The following NRG3 variants were observed in gnomAD, a reference collection of about 807,000 sequenced individuals.
NRG3 encodes pro-neuregulin-3, membrane-bound isoform.
NRG3 carries 31 observed loss-of-function variants against 66.9 expected under a neutral mutation model. The ratio of observed to expected loss-of-function variants is 0.46; its 90% CI spans 0.35 to 0.63. The LOEUF is 0.63. Among genes scored for constraint, NRG3 ranks in the 20% least tolerant of loss-of-function variants. The pLI, the probability that NRG3 is intolerant of heterozygous loss-of-function variation, is 0.00. For synonymous variants in NRG3, 393 were observed against 359.4 expected (o/e 1.09, Z -1.06); for missense variants, 910 against 878.9 (o/e 1.04, Z -0.45).
At chr10:82,867,614 G>A (rs558238119) in intron 4 of NRG3, among the ~76,000 whole-genome samples, 3 of 152,320 alleles carry the variant, frequency 2.0e-5, no homozygotes, top group South Asian at 2.1e-4. Flanking sequence ...CTTGAGACAG[G>A]TAGAGGAAAA....
chr10:82,059,309 T>C (rs1320939692), intron 1 of NRG3, among the ~76,000 whole-genome samples: 1 of 152,120 alleles, frequency 6.6e-6, no homozygotes, highest in Non-Finnish European at 1.5e-5. Context: ...ATTGCTGTAA[T>C]GTAGGTGGAA....
chr10:82,083,796 T>A (rs1356183274), intron 1 of NRG3, among the ~76,000 whole-genome samples: 1 of 151,540 alleles, frequency 6.6e-6, no homozygotes, highest in Non-Finnish European at 1.5e-5. Flanking sequence ...TTTGCATTTT[T>A]AATAGAGATG....
intron 1 of NRG3, among the ~76,000 whole-genome samples, chr10:81,895,949 C>G (rs1300143566): frequency 6.6e-6 from 1 of 152,088 alleles, no homozygotes; most frequent in Non-Finnish European, 1.5e-5. Flanking sequence ...GAAATCATTA[C>G]TAGAGGGTAA....
At chr10:81,972,255 A>T (rs556427365) in intron 1 of NRG3, among the ~76,000 whole-genome samples, 1 of 152,350 alleles carries the variant, frequency 6.6e-6, no homozygotes, top group South Asian at 2.1e-4. Flanking sequence ...ACAAAAGTAA[A>T]TATCAAGCAT....
intron 3 of NRG3, among the ~76,000 whole-genome samples, chr10:82,848,197 C>T (rs967121144): frequency 2.0e-5 from 3 of 152,162 alleles, no homozygotes; most frequent in African/African-American, 7.2e-5. Context: ...ATGAATAAAA[C>T]AACACAAACA....
intron 2 of NRG3, among the ~76,000 whole-genome samples, chr10:82,509,025 T>G (rs942399278): frequency 3.3e-5 from 5 of 152,208 alleles, no homozygotes; most frequent in Non-Finnish European, 5.9e-5. Flanking sequence ...TATCTCTTAA[T>G]CTATAGACCC....
Position 82,394,281 on chromosome 10 carries a change from G to C in NRG3, c.953+35413G>C, listed in dbSNP as rs183615151. 2.6e-3 allele frequency among the ~76,000 whole-genome samples: 391 copies of C among 152,332 alleles called. 3 individuals are homozygous for C. The highest frequency in any genetic ancestry group is 8.5e-3 in the African/African-American group (355 of 41,578). Reference sequence around the variant, plus strand: ...GATGCAGGAGCACATTTACAAAGCAGGACTACGATGAGCGGGCACCCGCGA... The same window carrying C: ...GATGCAGGAGCACATTTACAAAGCACGACTACGATGAGCGGGCACCCGCGA... On this transcript the variant is annotated intron_variant, in intron 2 of 8. Coordinates refer to ENST00000372141, the MANE Select transcript of NRG3 (RefSeq NM_001010848.4).
chr10:82,040,815 C>T (rs1268094046), intron 1 of NRG3, among the ~76,000 whole-genome samples: 1 of 151,998 alleles, frequency 6.6e-6, no homozygotes, highest in African/African-American at 2.4e-5. Context: ...CTCTCCCTGC[C>T]CCAGTATATG....
intron 1 of NRG3, among the ~76,000 whole-genome samples, chr10:81,940,586 C>G (rs1208761693): frequency 2.6e-5 from 4 of 151,900 alleles, no homozygotes; most frequent in East Asian, 1.9e-4. Context: ...GTCTTGAACT[C>G]CTAGCCTCAA....
chr10:82,930,807 C>A (rs1368809084), intron 4 of NRG3, among the ~76,000 whole-genome samples: 2 of 152,128 alleles, frequency 1.3e-5, no homozygotes, highest in Non-Finnish European at 2.9e-5. Flanking sequence ...CCTAGAAGCT[C>A]ATACTGGGAA....
intron 2 of NRG3, among the ~76,000 whole-genome samples, chr10:82,537,008 G>A (rs1475956668): frequency 6.6e-6 from 1 of 151,788 alleles, no homozygotes; most frequent in Non-Finnish European, 1.5e-5. Flanking sequence ...GGAGAAAGTA[G>A]GTTTAGGAAA....
At chr10:82,366,156 A>C (rs2084506336) in intron 2 of NRG3, among the ~76,000 whole-genome samples, 1 of 152,176 alleles carries the variant, frequency 6.6e-6, no homozygotes, top group Non-Finnish European at 1.5e-5. Flanking sequence ...TAATTTTTTT[A>C]AGATAGTCTA....
At chr10:82,788,883 C>G (rs1353886069) in intron 3 of NRG3, among the ~76,000 whole-genome samples, 2 of 151,746 alleles carry the variant, frequency 1.3e-5, no homozygotes, top group Non-Finnish European at 2.9e-5. Flanking sequence ...ACATATTATT[C>G]TTTGTATTGC....
intron 1 of NRG3, among the ~76,000 whole-genome samples, chr10:82,069,302 C>T (rs1215429831): frequency 1.3e-5 from 2 of 152,102 alleles, no homozygotes; most frequent in Non-Finnish European, 2.9e-5. Context: ...ACCAGATACA[C>T]GAAAAGAGGC....
intron 1 of NRG3, among the ~76,000 whole-genome samples, chr10:81,929,715 T>C (rs1258467290): frequency 2.0e-5 from 3 of 152,116 alleles, no homozygotes; most frequent in Non-Finnish European, 2.9e-5. Flanking sequence ...TTGCACTCTA[T>C]CCAATGTTTC....
intron 1 of NRG3, among the ~76,000 whole-genome samples, chr10:82,055,734 A>G (rs1038983965): frequency 1.6e-4 from 24 of 152,182 alleles, no homozygotes; most frequent in African/African-American, 5.8e-4. Flanking sequence ...TAAAGCGATG[A>G]AAAATTTACA....
At chr10:81,977,182 G>A (rs2060155539) in intron 1 of NRG3, among the ~76,000 whole-genome samples, 1 of 152,146 alleles carries the variant, frequency 6.6e-6, no homozygotes, top group South Asian at 2.1e-4. Context: ...CAGATTGAAT[G>A]AGGTATTGCC....
chr10:82,791,014 A>G (rs1211274194), intron 3 of NRG3, among the ~76,000 whole-genome samples: 1 of 151,852 alleles, frequency 6.6e-6, no homozygotes, highest in African/African-American at 2.4e-5. Context: ...GAAGTCCTGT[A>G]GTTTGTTCAA....
At chr10:82,344,170 G>A (rs1005970287) in intron 1 of NRG3, among the ~76,000 whole-genome samples, 3 of 148,140 alleles carry the variant, frequency 2.0e-5, no homozygotes, top group Non-Finnish European at 4.4e-5. Flanking sequence ...CCACTAACTC[G>A]TCATGTAGCA....
Sources: gnomAD v4.1 joint callset for allele counts (sites outside exome capture counted in the v4.1 genomes callset) on GRCh38, gnomAD v4.1.1 for gene constraint, MANE v1.5 for transcripts, NCBI Gene and HGNC (gene_info 2026-07-23, HGNC 2026-07-21) for gene names.